Variants in GPHN observed in about 807,000 individuals in gnomAD.
The protein encoded by GPHN is gephyrin.
GPHN carries 17 observed loss-of-function variants against 95.5 expected under a neutral mutation model. The ratio of observed to expected loss-of-function variants is 0.18; its 90% CI spans 0.12 to 0.27. The LOEUF is 0.27. GPHN is among the 10% of genes least tolerant of loss of function. The pLI, the probability that GPHN is intolerant of heterozygous loss-of-function variation, is 1.00. For synonymous variants in GPHN, 320 were observed against 322.5 expected (o/e 0.99, Z 0.08); for missense variants, 660 against 978.1 (o/e 0.67, Z 4.34).
intron 1 of GPHN, among the ~76,000 whole-genome samples, chr14:66,637,171 G>A (rs1357960973): frequency 2.0e-5 from 3 of 151,978 alleles, no homozygotes; most frequent in Non-Finnish European, 4.4e-5. Context: ...TTAAGATTTT[G>A]GTCTTTAGAA....
At chr14:67,137,178 C>T (rs1278882058) in intron 17 of GPHN, among the ~76,000 whole-genome samples, 2 of 150,014 alleles carry the variant, frequency 1.3e-5, no homozygotes, top group African/African-American at 4.9e-5. Flanking sequence ...AGGATTCTTG[C>T]ACTGTCACCC....
chr14:67,531,471 C>G, the GPHN span, among the ~76,000 whole-genome samples: 1 of 151,972 alleles, frequency 6.6e-6, no homozygotes, highest in African/African-American at 2.4e-5. Context: ...ACTCTATGGC[C>G]CCAAACTCAT....
chr14:66,981,926 G>A (rs2070709493), intron 9 of GPHN, among the ~76,000 whole-genome samples: 3 of 151,954 alleles, frequency 2.0e-5, no homozygotes, highest in African/African-American at 7.3e-5. Flanking sequence ...TCCAGACCTT[G>A]GTTCCCTTAT....
chr14:67,389,297 G>A, the GPHN span, among the ~76,000 whole-genome samples: 1 of 152,128 alleles, frequency 6.6e-6, no homozygotes, highest in South Asian at 2.1e-4. Context: ...ATCCGCCCCA[G>A]CCTGGAGGGT....
the GPHN span, among the ~76,000 whole-genome samples, chr14:67,284,677 A>T: frequency 6.6e-6 from 1 of 150,398 alleles, no homozygotes; most frequent in Non-Finnish European, 1.5e-5. Flanking sequence ...GCCCTTGACA[A>T]CCACGAATAT....
the GPHN span, chr14:67,571,942 G>A: frequency 1.3e-6 from 2 of 1,571,474 alleles, no homozygotes; most frequent in South Asian, 2.3e-5. Flanking sequence ...CAGCAGCAAG[G>A]AGCCCCTCAC....
chr14:67,252,318 A>ATTTTAT, the GPHN span, among the ~76,000 whole-genome samples: 2,190 of 152,000 alleles, frequency 0.014, 45 homozygotes, highest in African/African-American at 0.049. Context: ...TACCTAGCTA[A>ATTTTAT]TTTTATTTTT....
At chr14:66,755,275 CTA>C (rs2058518082) in intron 2 of GPHN, among the ~76,000 whole-genome samples, 1 of 152,102 alleles carries the variant, frequency 6.6e-6, no homozygotes, top group Admixed American at 6.6e-5. Flanking sequence ...ACTTTACTGA[CTA>C]TGTTTGCTTA....
the GPHN span, chr14:67,562,148 G>T: frequency 6.2e-7 from 1 of 1,611,394 alleles, no homozygotes; most frequent in Non-Finnish European, 8.5e-7. Context: ...TATTCAGATA[G>T]CTCCTTCACG....
At chr14:67,272,726 T>A in the GPHN span, among the ~76,000 whole-genome samples, 3 of 152,338 alleles carry the variant, frequency 2.0e-5, no homozygotes, top group African/African-American at 7.2e-5. Flanking sequence ...TGGCACGATC[T>A]TGGCTCACTA....
chr14:67,316,137 A>G, the GPHN span, among the ~76,000 whole-genome samples: 1 of 152,356 alleles, frequency 6.6e-6, no homozygotes, highest in African/African-American at 2.4e-5. Flanking sequence ...GTAATTCAGA[A>G]TCTTCTAAGT....
chr14:67,631,334 T>C, the GPHN span, among the ~76,000 whole-genome samples: 2 of 152,164 alleles, frequency 1.3e-5, no homozygotes, highest in Admixed American at 1.3e-4. Context: ...CAGTGTAACA[T>C]TCACCTTATT....
At chr14:66,736,684 C>T (rs149527421) in intron 2 of GPHN, among the ~76,000 whole-genome samples, 366 of 152,176 alleles carry the variant, frequency 2.4e-3, no homozygotes, top group Non-Finnish European at 3.0e-3. Context: ...GGATTACATA[C>T]GTGAGCCACT....
the GPHN span, among the ~76,000 whole-genome samples, chr14:67,459,496 G>T: frequency 1.3e-5 from 2 of 152,228 alleles, no homozygotes; most frequent in African/African-American, 4.8e-5. Context: ...TCACAGGCAA[G>T]AGGATAGATT....
chr14:67,145,572 C>A (rs772076413), intron 18 of GPHN, among the ~76,000 whole-genome samples: 14 of 152,158 alleles, frequency 9.2e-5, no homozygotes, highest in Non-Finnish European at 1.6e-4. Context: ...TCCCTTCCTA[C>A]CTCCTTGAGT....
chr14:67,197,758 A>G, the GPHN span, among the ~76,000 whole-genome samples: 1 of 152,172 alleles, frequency 6.6e-6, no homozygotes, highest in Admixed American at 6.5e-5. Flanking sequence ...ATAGAAAATA[A>G]TGGTCTGTGG....
chr14:66,773,352 C>CTTTT (rs542180875), intron 2 of GPHN, among the ~76,000 whole-genome samples: 14 of 121,824 alleles, frequency 1.1e-4, no homozygotes, highest in African/African-American at 1.7e-4. Flanking sequence ...TTGGGGAAAT[C>CTTTT]TTTTTTTTTT....
chr14:67,600,141 G>T, the GPHN span: 1 of 1,594,242 alleles, frequency 6.3e-7, no homozygotes. Context: ...ACGGGGAGTA[G>T]TAGCGGCGCT....
chr14:66,943,470 A>C (rs1339894423), intron 8 of GPHN, among the ~76,000 whole-genome samples: 3 of 152,236 alleles, frequency 2.0e-5, no homozygotes, highest in Admixed American at 6.5e-5. Flanking sequence ...AGGCAAGTCA[A>C]ATAGTTCTTT....
Sources: allele counts gnomAD v4.1 joint callset (sites outside exome capture counted in the v4.1 genomes callset), GRCh38; gene constraint gnomAD v4.1.1; transcripts MANE v1.5; gene names NCBI Gene and HGNC (gene_info 2026-07-23, HGNC 2026-07-21).